Variants in PHLPP2 observed in about 807,000 individuals in gnomAD.
The protein encoded by PHLPP2 is PH domain and leucine rich repeat protein phosphatase 2, also known as PH domain leucine-rich repeat-containing protein phosphatase 2.
Under a neutral mutation model 124.9 loss-of-function variants are expected in PHLPP2, and 66 were observed. That is an observed-to-expected ratio of 0.53 (90% CI 0.43 to 0.65). The LOEUF is 0.65. Ranked by LOEUF, PHLPP2 falls within the 30% of genes least tolerant of loss-of-function variation. The pLI, the probability that PHLPP2 is intolerant of heterozygous loss-of-function variation, is 0.00. For missense variants in PHLPP2, 1,685 were observed against 1,600.4 expected (o/e 1.05, Z -0.90); for synonymous variants, 681 against 624.7 (o/e 1.09, Z -1.34).
intron 2 of PHLPP2, among the ~76,000 whole-genome samples, chr16:71,704,307 C>CAAAAACAAAAAAA (rs1555548332): frequency 5.6e-4 from 55 of 98,710 alleles, no homozygotes; most frequent in African/African-American, 2.2e-3. Flanking sequence ...GACTCTGTCT[C>CAAAAACAAAAAAA]AAAAAAAAAA....
In PHLPP2 at chr16:71,652,892, C is replaced by A. The variant is rs759522302; in HGVS notation, c.2715G>T (p.Leu905=). Residue 905 remains leucine (L), a synonymous_variant, in exon 18 of 19, where the codon CTG becomes CTT. Coordinates refer to ENST00000568954, the MANE Select transcript of PHLPP2 (RefSeq NM_015020.3). The part of the protein sequence containing the change: ...VANVGTCQAV[L]CRGGKPVPLS... ...GGGGCACTGGCTTCCCACCTCGGCA[C>A]AGGACTGCTTGGCACGTGCCAACAT... 7 of 1,614,144 alleles carry A rather than the reference C, an allele frequency of 4.3e-6. No homozygotes were observed. In the East Asian group the frequency reaches 1.3e-4, roughly 31 times the overall value.
chr16:71,663,832 A>AT lies in PHLPP2; in HGVS notation c.1985+66dup. On this transcript the variant is annotated intron_variant, in intron 13 of 18. Coordinates refer to ENST00000568954, the MANE Select transcript of PHLPP2 (RefSeq NM_015020.3). The stretch of plus-strand genomic sequence containing the variant: ...CAAAGAGTCATAGTCAGATGGCTAT[A>AT]TTTTTTCTGACAAATATAGAATTAA... The AT allele has an allele frequency of 4.0e-6, 5 of 1,260,418 alleles. No individual in the cohort carries two copies. The South Asian group carries it at 4.9e-5, about 12-fold the overall frequency. The allele number at this position is 1,260,418 out of a possible 1,614,324, so 78.1% of individuals were successfully genotyped here. A position where few individuals can be genotyped will look rare whatever the true frequency, so the allele number is the denominator to read the frequency against.
intron 9 of PHLPP2, among the ~76,000 whole-genome samples, chr16:71,674,384 T>TC (rs1389786260): frequency 6.9e-6 from 1 of 145,884 alleles, no homozygotes; most frequent in Non-Finnish European, 1.5e-5. Flanking sequence ...GGCCCAGACT[T>TC]TTTTTTTTTT....
chr16:71,692,514 T>C (rs2045125163), intron 3 of PHLPP2, among the ~76,000 whole-genome samples: 1 of 152,218 alleles, frequency 6.6e-6, no homozygotes, highest in Non-Finnish European at 1.5e-5. Context: ...CTTCAAAGCC[T>C]TAAAATTGTA....
Position 71,652,952 on chromosome 16 carries a change from G to A in PHLPP2, c.2655C>T (p.Ala885=), listed in dbSNP as rs369298166. The A allele has an allele frequency of 7.4e-6, 12 of 1,613,916 alleles. No individual in the cohort carries two copies. In the African/African-American group the frequency reaches 1.1e-4, roughly 14 times the overall value. ...ALLCYIRPDT[A]DPASSFSLTV... is the part of the protein sequence containing the mutation. ...TCAAGCTAAAGCTACTTGCTGGATC[G>A]GCAGTGTCAGGGCGGATGTAGCACA... is the stretch of plus-strand genomic sequence containing the variant. Residue 885 remains alanine, a synonymous_variant, in exon 18 of 19, where the codon GCC becomes GCT. Coordinates refer to ENST00000568954, the MANE Select transcript of PHLPP2 (RefSeq NM_015020.3).
chr16:71,722,577 T>A (rs2045405221), intron 1 of PHLPP2, among the ~76,000 whole-genome samples: 1 of 152,236 alleles, frequency 6.6e-6, no homozygotes, highest in African/African-American at 2.4e-5. Flanking sequence ...GTACTAACCT[T>A]CATAACATGT....
intron 1 of PHLPP2, 164 bp downstream of exon 1, chr16:71,724,165 G>C (rs76090771): frequency 0.065 from 9,919 of 152,542 alleles, 413 homozygotes; most frequent in Non-Finnish European, 0.096. Flanking sequence ...AGAGCGCAAG[G>C]AGGGGTATTT....
chr16:71,661,559 G>A (rs997567161), intron 13 of PHLPP2, among the ~76,000 whole-genome samples: 3 of 151,930 alleles, frequency 2.0e-5, no homozygotes, highest in African/African-American at 7.3e-5. Context: ...CATATTTGAG[G>A]TCAATTAGGT....
intron 4 of PHLPP2, among the ~76,000 whole-genome samples, chr16:71,689,511 G>T (rs767174881): frequency 1.3e-5 from 2 of 149,412 alleles, no homozygotes; most frequent in Non-Finnish European, 3.0e-5. Flanking sequence ...TCCTGCCTCA[G>T]CCTCCCAAGT....
chr16:71,714,404 A>C, intron 2 of PHLPP2, 108 bp downstream of exon 2: 1 of 1,383,362 alleles, frequency 7.2e-7, no homozygotes, highest in Non-Finnish European at 9.4e-7. Flanking sequence ...GTGAGTCCGT[A>C]ATCAACATCA....
intron 10 of PHLPP2, among the ~76,000 whole-genome samples, chr16:71,669,935 A>G (rs1460428730): frequency 6.6e-6 from 1 of 152,202 alleles, no homozygotes; most frequent in Admixed American, 6.5e-5. Flanking sequence ...GCCTCAAGGT[A>G]TCTACAGGTT....
chr16:71,686,095 G>C (rs2045052725), intron 4 of PHLPP2, among the ~76,000 whole-genome samples: 2 of 152,180 alleles, frequency 1.3e-5, no homozygotes, highest in Non-Finnish European at 2.9e-5. Flanking sequence ...GACAGAGCGA[G>C]ACTCTGTCTC....
rs969583666 is a variant in PHLPP2 at position 71,691,178 on chromosome 16, C to G, written c.419-469G>C. On this transcript the variant is annotated intron_variant, in intron 3 of 18. Transcript: ENST00000568954. ...TATAAAAATTAAGTAAGATGGCCAG[C>G]TGCAGTGGCTCCCGCCTGCAATCCC... 5.9e-5 allele frequency among the ~76,000 whole-genome samples: 9 copies of G among 152,220 alleles called. No individual in the cohort carries two copies. The East Asian group carries it at 1.7e-3, about 29-fold the overall frequency.
Position 71,696,406 on chromosome 16 carries a change from G to C in PHLPP2, c.419-5697C>G, listed in dbSNP as rs1261300746. On this transcript the variant is annotated intron_variant, in intron 3 of 18. Coordinates refer to ENST00000568954, the MANE Select transcript of PHLPP2 (RefSeq NM_015020.3). ...AATCCTAGCACTTCAGGAGGCCAAG[G>C]TGGGCAGATCACCTGAGGTCAGGAG... Among the ~76,000 whole-genome samples, 3 of 152,134 alleles carry C rather than the reference G, an allele frequency of 2.0e-5. No homozygotes were observed. The South Asian group carries it at 6.2e-4, about 32-fold the overall frequency.
In PHLPP2 at chr16:71,667,337, A is replaced by AG. The variant is rs1288732189; in HGVS notation, c.1629-5dup. ...AAGACTCAAGCTACTCAGAATTCTA[A>AG]GGGGGGAGCATACAAACAAACACAT... On this transcript the variant is annotated splice_polypyrimidine_tract_variant and splice_region_variant and intron_variant, in intron 11 of 18. Transcript: ENST00000568954. 4 of 1,609,046 alleles carry AG rather than the reference A, an allele frequency of 2.5e-6. No homozygotes were observed. The highest frequency in any genetic ancestry group is 3.4e-6 in the Non-Finnish European group (4 of 1,176,220).
At chr16:71,695,230 C>T (rs1305154661) in intron 3 of PHLPP2, among the ~76,000 whole-genome samples, 1 of 152,124 alleles carries the variant, frequency 6.6e-6, no homozygotes, top group African/African-American at 2.4e-5. Flanking sequence ...ACGTGAGTAA[C>T]CTATAACCCA....
chr16:71,646,937 T>A lies in PHLPP2; in HGVS notation c.*1953A>T, dbSNP rs1250817661. 1 of 152,512 alleles carries A rather than the reference T, an allele frequency of 6.6e-6. No homozygotes were observed. The highest frequency in any genetic ancestry group is 1.5e-5 in the Non-Finnish European group (1 of 68,020). 9.4% of individuals were successfully genotyped at this position (152,512 alleles called of 1,614,324 possible). A position where few individuals can be genotyped will look rare whatever the true frequency, so the allele number is the denominator to read the frequency against. ...GTGTACCAAATCCCCCAAGAGTGTA[T>A]CCCAATGACACGTGCATATGAGCAT... On this transcript the variant is annotated 3_prime_UTR_variant, in exon 19 of 19. Coordinates refer to ENST00000568954, the MANE Select transcript of PHLPP2 (RefSeq NM_015020.3).
chr16:71,665,281 G>C (rs1174736921), intron 12 of PHLPP2, among the ~76,000 whole-genome samples: 2 of 152,192 alleles, frequency 1.3e-5, no homozygotes, highest in Admixed American at 6.5e-5. Flanking sequence ...CCGCACTCCA[G>C]CCTGGCGACA....
chr16:71,681,795 G>T lies in PHLPP2; in HGVS notation c.846C>A (p.Asn282Lys). The change falls in exon 6 of 19, where the codon AAC (asparagine) becomes AAA (lysine). Residue 282 changes from asparagine to lysine, a missense_variant. Physicochemically the swap from Asn to Lys is moderately conservative, Grantham distance 94. Coordinates refer to ENST00000568954, the MANE Select transcript of PHLPP2 (RefSeq NM_015020.3). ...CTCCGGGTCTTTCTAACTGCATGAAGTTGTGTCGCAAGTTGAGGTAGGTAA... is the reference window on the plus strand; with the variant it reads ...CTCCGGGTCTTTCTAACTGCATGAATTTGTGTCGCAAGTTGAGGTAGGTAA... ...QDITYLNLRH[N>K]FMQLERPGGL... 1 of 1,613,966 alleles carries T rather than the reference G, an allele frequency of 6.2e-7. No homozygotes were observed. The highest frequency in any genetic ancestry group is 8.5e-7 in the Non-Finnish European group (1 of 1,179,926).
Sources: allele counts gnomAD v4.1 joint callset (sites outside exome capture counted in the v4.1 genomes callset), GRCh38; gene constraint gnomAD v4.1.1; transcripts MANE v1.5; gene names NCBI Gene and HGNC (gene_info 2026-07-23, HGNC 2026-07-21).